GABRB2: variants seen among roughly 807,000 people sequenced by gnomAD.
GABRB2 encodes gamma-aminobutyric acid type A receptor subunit beta2.
GABRB2 carries 16 observed loss-of-function variants against 54.7 expected under a neutral mutation model. The ratio of observed to expected loss-of-function variants is 0.29; its 90% confidence interval spans 0.20 to 0.44. The LOEUF is 0.44. GABRB2 is among the 20% of genes least tolerant of loss of function. The pLI is 1.00. For missense variants in GABRB2, 355 were observed against 644.0 expected, an observed-to-expected ratio of 0.55 and a Z score of 4.86; for synonymous variants, 244 against 233.8, an observed-to-expected ratio of 1.04 and a Z score of -0.40.
chr5:161,291,044 G>T lies in GABRB2; in HGVS notation c.*3037C>A, dbSNP rs1757224265. 1 of 152,524 alleles carries T rather than the reference G, an allele frequency of 6.6e-6. No individual in the cohort carries two copies. Among genetic ancestry groups the T allele is most frequent in the South Asian group, 2.1e-4 (1 of 4,822 alleles). The allele number at this position is 152,524 out of a possible 1,614,324, so 9.4% of individuals were successfully genotyped here. ...CCCTGTTAATAAATTGTAGTAGAAA[G>T]AATTTTAACATTCCTTATGCAAACA... On this transcript the variant is annotated 3_prime_UTR_variant, in exon 10 of 10. Transcript: ENST00000393959.
At chr5:161,438,693 C>A (rs1456612987) in intron 4 of GABRB2, among the ~76,000 whole-genome samples, 1 of 151,730 alleles carries the variant, frequency 6.6e-6, no homozygotes, top group Non-Finnish European at 1.5e-5. Flanking sequence ...ATGAATTTAA[C>A]AAAGAGATCA....
chr5:161,535,528 T>G (rs1760605685), intron 3 of GABRB2, among the ~76,000 whole-genome samples: 2 of 152,146 alleles, frequency 1.3e-5, no homozygotes, highest in South Asian at 4.1e-4. Context: ...TTGCTACATT[T>G]TAAAATGCAG....
intron 9 of GABRB2, among the ~76,000 whole-genome samples, chr5:161,303,475 G>C (rs1757596229): frequency 6.6e-6 from 1 of 151,924 alleles, no homozygotes; most frequent in Non-Finnish European, 1.5e-5. Context: ...TTCTACTTCT[G>C]ACACAAAATA....
At chr5:161,546,880 A>G, upstream of GABRB2, 1 of 784,864 alleles carries the variant, frequency 1.3e-6, no homozygotes, top group South Asian at 2.8e-5. Flanking sequence ...AATAATATAG[A>G]AAAGTCACCC....
chr5:161,349,594 A>T (rs1395779532), intron 5 of GABRB2, among the ~76,000 whole-genome samples: 1 of 152,086 alleles, frequency 6.6e-6, no homozygotes, highest in Non-Finnish European at 1.5e-5. Context: ...TTAGGTTATA[A>T]AAAGACTGAA....
At chr5:161,332,719 C>T (rs1753888026) in intron 7 of GABRB2, among the ~76,000 whole-genome samples, 1 of 152,172 alleles carries the variant, frequency 6.6e-6, no homozygotes, top group African/African-American at 2.4e-5. Flanking sequence ...TCCAATAACG[C>T]ATCCTGAAGG....
chr5:161,488,613 G>C (rs967341272), intron 3 of GABRB2, among the ~76,000 whole-genome samples: 6 of 151,700 alleles, frequency 4.0e-5, no homozygotes, highest in Middle Eastern at 3.2e-3. Flanking sequence ...TATAAAAATG[G>C]CTGATTTTTG....
intron 3 of GABRB2, among the ~76,000 whole-genome samples, chr5:161,476,866 T>C (rs1052595757): frequency 6.6e-6 from 1 of 151,910 alleles, no homozygotes; most frequent in Non-Finnish European, 1.5e-5. Context: ...AAAAGTTTCA[T>C]GACATTGGAT....
At chr5:161,372,179 A>G (rs554785201) in intron 5 of GABRB2, among the ~76,000 whole-genome samples, 42 of 152,314 alleles carry the variant, frequency 2.8e-4, no homozygotes, top group African/African-American at 9.4e-4. Context: ...TTTTTAAAAA[A>G]TTACTTGCCA....
chr5:161,367,716 C>CA (rs1307692644), intron 5 of GABRB2, among the ~76,000 whole-genome samples: 4 of 151,834 alleles, frequency 2.6e-5, no homozygotes, highest in Admixed American at 1.3e-4. Context: ...TAAAACACGG[C>CA]AAAAAAATGT....
chr5:161,303,141 C>T (rs542091831), intron 9 of GABRB2, among the ~76,000 whole-genome samples: 1 of 152,276 alleles, frequency 6.6e-6, no homozygotes, highest in South Asian at 2.1e-4. Flanking sequence ...TATAACAGCC[C>T]TTCCCATCAA....
At chr5:161,358,633 G>A (rs1754712495) in intron 5 of GABRB2, among the ~76,000 whole-genome samples, 1 of 152,206 alleles carries the variant, frequency 6.6e-6, no homozygotes, top group South Asian at 2.1e-4. Context: ...CATGAGAACA[G>A]CAAGGACAAG....
At chr5:161,401,771 T>C (rs1302574423) in intron 5 of GABRB2, among the ~76,000 whole-genome samples, 1 of 152,194 alleles carries the variant, frequency 6.6e-6, no homozygotes, top group East Asian at 1.9e-4. Flanking sequence ...TATCCAACTG[T>C]ATATTCTCTA....
chr5:161,456,054 G>A (rs1757945236), intron 4 of GABRB2, among the ~76,000 whole-genome samples: 1 of 152,038 alleles, frequency 6.6e-6, no homozygotes, highest in Non-Finnish European at 1.5e-5. Flanking sequence ...ATCTTTGTTT[G>A]TCTTAATGGG....
intron 3 of GABRB2, among the ~76,000 whole-genome samples, chr5:161,460,428 G>T (rs2113266338): frequency 6.6e-6 from 1 of 152,320 alleles, no homozygotes; most frequent in South Asian, 2.1e-4. Context: ...ATACAGAAGT[G>T]AAGAGAATAT....
chr5:161,480,271 T>G (rs558592261), intron 3 of GABRB2, among the ~76,000 whole-genome samples: 2 of 152,184 alleles, frequency 1.3e-5, no homozygotes, highest in Non-Finnish European at 2.9e-5. Context: ...AAACAAACTT[T>G]TATTGTGTTA....
intron 5 of GABRB2, among the ~76,000 whole-genome samples, chr5:161,404,466 C>A (rs537492332): frequency 1.3e-5 from 2 of 152,088 alleles, no homozygotes; most frequent in Non-Finnish European, 2.9e-5. Flanking sequence ...TTATGTGACA[C>A]CTCCACTTTA....
chr5:161,501,332 G>A (rs989910932), intron 3 of GABRB2, among the ~76,000 whole-genome samples: 3 of 151,986 alleles, frequency 2.0e-5, no homozygotes, highest in African/African-American at 7.2e-5. Flanking sequence ...TTCAAAGGAT[G>A]AGAAAATAAT....
intron 4 of GABRB2, among the ~76,000 whole-genome samples, chr5:161,428,088 C>T (rs137950188): frequency 2.6e-4 from 40 of 152,190 alleles, no homozygotes; most frequent in Admixed American, 6.5e-4. Flanking sequence ...AAAAAAAGAT[C>T]GTCTAATAAT....
Sources: allele counts gnomAD v4.1 joint callset (sites outside exome capture counted in the v4.1 genomes callset), GRCh38; gene constraint gnomAD v4.1.1; transcripts MANE v1.5; gene names NCBI Gene and HGNC (gene_info 2026-07-23, HGNC 2026-07-21).